The following LYPD5 variants were observed in gnomAD, a reference collection of about 807,000 sequenced individuals.
LYPD5 encodes LY6/PLAUR domain containing 5, also known as ly6/PLAUR domain-containing protein 5.
A neutral mutation model predicts 19.1 loss-of-function variants in LYPD5; 21 were observed. The ratio of observed to expected loss-of-function variants is 1.10; its 90% CI spans 0.78 to 1.58. LYPD5 has a LOEUF of 1.58. LYPD5 is among the 40% of genes most tolerant of loss of function. The pLI is 0.00. For missense variants in LYPD5, 287 were observed against 329.8 expected (o/e 0.87, Z 1.00); for synonymous variants, 128 against 142.7 (o/e 0.90, Z 0.74).
intron 1 of LYPD5, among the ~76,000 whole-genome samples, chr19:43,819,283 CTTTTTTTTTT>C (rs560659624): frequency 1.8e-5 from 2 of 110,516 alleles, no homozygotes; most frequent in African/African-American, 3.4e-5. Context: ...TCTTCTTCTT[CTTTTTTTTTT>C]TTTTTTTTTG....
intron 1 of LYPD5, among the ~76,000 whole-genome samples, chr19:43,816,059 T>TATCTATCTATCTATCA (rs1568407424): frequency 6.6e-6 from 1 of 151,996 alleles, no homozygotes; most frequent in African/African-American, 2.4e-5. Flanking sequence ...TCTATCTATC[T>TATCTATCTATCTATCA]ATCTATCTAT....
At chr19:43,799,380 A>C (rs1970189221) in intron 2 of LYPD5, among the ~76,000 whole-genome samples, 1 of 151,968 alleles carries the variant, frequency 6.6e-6, no homozygotes, top group East Asian at 1.9e-4. Flanking sequence ...AGTAGCTGGG[A>C]TTACAGGTGC....
Position 43,799,817 on chromosome 19 carries a change from A to G in LYPD5, c.82T>C (p.Cys28Arg), listed in dbSNP as rs1970199003. The G allele has an allele frequency of 6.2e-7, 1 of 1,612,868 alleles. No homozygotes were observed. The highest frequency in any genetic ancestry group is 1.1e-5 in the South Asian group (1 of 90,614). ...LCLTGSQALQ[C>R]YSFEHTYFGP... ...AAGTAGGTGTGCTCAAAGCTGTAGC[A>G]CTGCAGGGCTTGGGACCCTGGGGAG... is the stretch of plus-strand genomic sequence containing the variant. The change falls in exon 2 of 5, where the codon TGC (cysteine) becomes CGC (arginine). Residue 28 changes from cysteine to arginine, a missense_variant. By Grantham distance (180) the Cys-to-Arg change is radical. Coordinates refer to ENST00000377950, the MANE Select transcript of LYPD5 (RefSeq NM_001031749.3).
At chr19:43,808,326 G>A (rs1202134423) in intron 1 of LYPD5, among the ~76,000 whole-genome samples, 3 of 152,060 alleles carry the variant, frequency 2.0e-5, no homozygotes, top group Admixed American at 1.3e-4. Flanking sequence ...GGCTGGTCTC[G>A]AACTCCTGAC....
chr19:43,806,282 G>A (rs988177325), upstream of LYPD5, among the ~76,000 whole-genome samples: 1 of 152,158 alleles, frequency 6.6e-6, no homozygotes, highest in South Asian at 2.1e-4. Context: ...AGGGATCTAG[G>A]TTATGCATTC....
At chr19:43,809,448 T>C (rs1469458810) in intron 1 of LYPD5, among the ~76,000 whole-genome samples, 1 of 151,990 alleles carries the variant, frequency 6.6e-6, no homozygotes, top group Non-Finnish European at 1.5e-5. Flanking sequence ...TGGCGAAATC[T>C]TGGCTCACTG....
chr19:43,809,863 G>C (rs1318740432), intron 1 of LYPD5, among the ~76,000 whole-genome samples: 3 of 152,194 alleles, frequency 2.0e-5, no homozygotes, highest in Non-Finnish European at 4.4e-5. Flanking sequence ...TCATTGTTTA[G>C]AAGCACAGAC....
At chr19:43,817,227 G>A (rs1400017098) in intron 1 of LYPD5, among the ~76,000 whole-genome samples, 2 of 152,132 alleles carry the variant, frequency 1.3e-5, no homozygotes, top group Admixed American at 6.6e-5. Context: ...GTTATTGTGG[G>A]GGAGGGGGCA....
Position 43,797,246 on chromosome 19 carries a change from C to T in LYPD5, c.*345G>A, listed in dbSNP as rs1462578328. On this transcript the variant is annotated 3_prime_UTR_variant, in exon 5 of 5. Coordinates refer to ENST00000377950, the MANE Select transcript of LYPD5 (RefSeq NM_001031749.3). ...TAATAAAGACATCATTGTATAGCTC[C>T]CTCCTAGAGCTGCGACAGGCTCTGG... 3 of 269,610 alleles carry T rather than the reference C, an allele frequency of 1.1e-5. No homozygotes were observed. The highest frequency in any genetic ancestry group is 1.4e-5 in the Non-Finnish European group (2 of 142,584). 16.7% of individuals were successfully genotyped at this position (269,610 alleles called of 1,614,324 possible). A position where few individuals can be genotyped will look rare whatever the true frequency, so the allele number is the denominator to read the frequency against.
chr19:43,813,589 G>A (rs561007184), intron 1 of LYPD5, among the ~76,000 whole-genome samples: 3 of 152,334 alleles, frequency 2.0e-5, no homozygotes, highest in Admixed American at 2.0e-4. Flanking sequence ...ACCAGCATGG[G>A]GCTGGCTGAG....
At chr19:43,799,923 G>C in intron 1 of LYPD5, 89 bp from the exon 2 acceptor site, 1 of 1,440,842 alleles carries the variant, frequency 6.9e-7, no homozygotes, top group East Asian at 2.5e-5. Context: ...ACAGGCACAC[G>C]GGCCTGGCCC....
chr19:43,798,265 T>C (rs1165431630), intron 4 of LYPD5, among the ~76,000 whole-genome samples, 190 bp downstream of exon 4: 17 of 104,816 alleles, frequency 1.6e-4, no homozygotes, highest in Middle Eastern at 6.3e-3. Flanking sequence ...GGCCAAATCT[T>C]CTCCCTCAGA....
At chr19:43,799,606 T>C in intron 2 of LYPD5, 100 bp downstream of exon 2, 1 of 1,264,214 alleles carries the variant, frequency 7.9e-7, no homozygotes, top group Non-Finnish European at 1.1e-6. Context: ...TCTATCTTTA[T>C]CTTTTCATCT....
chr19:43,801,539 A>G (rs1215638676), intron 1 of LYPD5, among the ~76,000 whole-genome samples: 1 of 152,192 alleles, frequency 6.6e-6, no homozygotes, highest in Non-Finnish European at 1.5e-5. Flanking sequence ...GCATATATAC[A>G]TAGAGATAAA....
intron 1 of LYPD5, among the ~76,000 whole-genome samples, chr19:43,814,458 C>T (rs1288634762): frequency 2.6e-5 from 4 of 152,124 alleles, no homozygotes; most frequent in Non-Finnish European, 5.9e-5. Flanking sequence ...CCTGCCACTG[C>T]ACTCCAGCCT....
At chr19:43,808,372 T>C (rs1970288896) in intron 1 of LYPD5, among the ~76,000 whole-genome samples, 1 of 152,202 alleles carries the variant, frequency 6.6e-6, no homozygotes, top group South Asian at 2.1e-4. Context: ...TCCCAAAGCA[T>C]TGAGGTTACA....
intron 2 of LYPD5, 30 bp downstream of exon 2, chr19:43,799,676 C>T (rs895733655): frequency 1.4e-5 from 22 of 1,598,156 alleles, no homozygotes; most frequent in East Asian, 9.0e-5. Context: ...CCTAATCTCT[C>T]ATCCCTGTCC....
Position 43,802,344 on chromosome 19 carries a change from G to A in LYPD5, c.37C>T (p.Leu13Phe), listed in dbSNP as rs1216192598. ...MGVPRVILLC[L>F]FGAALCLTGS... ...GTCAGGCAGAGCGCAGCCCCAAAGA[G>A]GCAGAGCAGAATGACTCTGGGGACC... The change falls in exon 1 of 5, where the codon CTC (leucine) becomes TTC (phenylalanine). Residue 13 changes from leucine (L) to phenylalanine (F), a missense_variant. Transcript: ENST00000377950. The A allele has an allele frequency of 6.4e-7, 1 of 1,551,580 alleles. No individual in the cohort carries two copies. Among genetic ancestry groups the A allele is most frequent in the Non-Finnish European group, 8.7e-7 (1 of 1,146,996 alleles).
chr19:43,813,326 C>T (rs1422666520), intron 1 of LYPD5, among the ~76,000 whole-genome samples: 2 of 152,276 alleles, frequency 1.3e-5, no homozygotes, highest in East Asian at 1.9e-4. Flanking sequence ...CTCTCTCGCT[C>T]TCTCTCTTGC....
Sources: gnomAD v4.1 joint callset for allele counts (sites outside exome capture counted in the v4.1 genomes callset) on GRCh38, gnomAD v4.1.1 for gene constraint, MANE v1.5 for transcripts, NCBI Gene and HGNC (gene_info 2026-07-23, HGNC 2026-07-21) for gene names.